The following GRIN2A variants were observed in gnomAD, a reference collection of about 807,000 sequenced individuals.
GRIN2A encodes glutamate ionotropic receptor NMDA type subunit 2A.
A neutral mutation model predicts 113.4 loss-of-function variants in GRIN2A; 22 were observed. The observed-to-expected ratio is 0.19, with a 90% CI of 0.14 to 0.28. The LOEUF (loss-of-function observed/expected upper bound fraction) is 0.28. Among genes scored for constraint, GRIN2A ranks in the 10% least tolerant of loss-of-function variants. The probability of loss-of-function intolerance (pLI) is 1.00; values close to 1 mark genes in which losing one functional copy is unlikely to be tolerated. For synonymous variants in GRIN2A, 827 were observed against 738.4 expected (o/e 1.12, Z -1.94); for missense variants, 1,502 against 1,887.0 (o/e 0.80, Z 3.78).
At chr16:10,147,529 A>C (rs2049468906) in intron 2 of GRIN2A, among the ~76,000 whole-genome samples, 1 of 150,390 alleles carries the variant, frequency 6.6e-6, no homozygotes, top group Non-Finnish European at 1.5e-5. Flanking sequence ...CCAGCTACTC[A>C]GGAGCCTGAG....
intron 2 of GRIN2A, among the ~76,000 whole-genome samples, chr16:10,131,443 G>C (rs566634091): frequency 1.5e-4 from 23 of 150,930 alleles, no homozygotes; most frequent in African/African-American, 5.6e-4. Flanking sequence ...AAGGCCTGCC[G>C]CTCCAGTCTC....
intron 4 of GRIN2A, among the ~76,000 whole-genome samples, chr16:9,880,720 G>A (rs748981114): frequency 3.3e-5 from 5 of 152,154 alleles, no homozygotes; most frequent in Non-Finnish European, 7.3e-5. Context: ...CTCTGAACCT[G>A]ACTTTTTCCC....
At chr16:10,145,170 G>A (rs1473797641) in intron 2 of GRIN2A, among the ~76,000 whole-genome samples, 1 of 152,076 alleles carries the variant, frequency 6.6e-6, no homozygotes, top group East Asian at 1.9e-4. Context: ...GTTGCCAAGG[G>A]TTGGGGGCAT....
intron 2 of GRIN2A, among the ~76,000 whole-genome samples, chr16:9,970,161 T>G (rs1464241912): frequency 6.6e-6 from 1 of 152,240 alleles, no homozygotes; most frequent in African/African-American, 2.4e-5. Flanking sequence ...GCACTTGACT[T>G]CAGCCTTCAG....
chr16:10,101,620 A>G (rs1288662044), intron 2 of GRIN2A, among the ~76,000 whole-genome samples: 2 of 152,194 alleles, frequency 1.3e-5, no homozygotes, highest in Non-Finnish European at 2.9e-5. Context: ...ACACCTCTCA[A>G]TCCATTATTT....
intron 2 of GRIN2A, among the ~76,000 whole-genome samples, chr16:9,993,483 G>A (rs2046166088): frequency 6.6e-6 from 1 of 152,070 alleles, no homozygotes; most frequent in Non-Finnish European, 1.5e-5. Flanking sequence ...TGTAGCCCAG[G>A]AACTCAAGGC....
At chr16:9,884,898 TA>T (rs1407384870) in intron 4 of GRIN2A, among the ~76,000 whole-genome samples, 1 of 151,456 alleles carries the variant, frequency 6.6e-6, no homozygotes, top group Non-Finnish European at 1.5e-5. Context: ...TACAGGCACC[TA>T]ATTTTTTTTT....
chr16:9,885,607 G>T (rs956798726), intron 4 of GRIN2A, among the ~76,000 whole-genome samples: 1 of 152,188 alleles, frequency 6.6e-6, no homozygotes, highest in African/African-American at 2.4e-5. Flanking sequence ...GCTGCTTTCA[G>T]TGACGCCACT....
chr16:10,173,577 G>A (rs2050085450), intron 2 of GRIN2A, among the ~76,000 whole-genome samples: 2 of 152,172 alleles, frequency 1.3e-5, no homozygotes, highest in Admixed American at 6.5e-5. Context: ...GCTCCAACAA[G>A]CTGGCATCGG....
At chr16:10,036,449 C>CTTTT (rs369821921) in intron 2 of GRIN2A, among the ~76,000 whole-genome samples, 14 of 45,986 alleles carry the variant, frequency 3.0e-4, no homozygotes, top group African/African-American at 4.2e-4. Context: ...TTTTTTTTTT[C>CTTTT]TTTTTTTTTT....
chr16:10,164,372 G>A (rs1211804455), intron 2 of GRIN2A, among the ~76,000 whole-genome samples: 2 of 152,186 alleles, frequency 1.3e-5, no homozygotes, highest in Non-Finnish European at 2.9e-5. Flanking sequence ...AGGGTCTGCG[G>A]GACGGACCCC....
intron 2 of GRIN2A, among the ~76,000 whole-genome samples, chr16:9,998,572 T>TA (rs1555463231): frequency 2.0e-5 from 3 of 152,214 alleles, no homozygotes; most frequent in South Asian, 2.1e-4. Context: ...TTTACTGCAA[T>TA]AAAAAACATA....
chr16:10,169,363 G>A (rs1317534911), intron 2 of GRIN2A, among the ~76,000 whole-genome samples: 2 of 152,128 alleles, frequency 1.3e-5, no homozygotes, highest in African/African-American at 4.8e-5. Flanking sequence ...CTTGCTAACA[G>A]AAGCAATTTT....
chr16:10,026,563 A>G, intron 2 of GRIN2A, among the ~76,000 whole-genome samples: 1 of 151,876 alleles, frequency 6.6e-6, no homozygotes. Context: ...TAAGCAGGGC[A>G]TTAGGTTCAT....
At chr16:9,871,123 C>G (rs1399506768) in intron 4 of GRIN2A, among the ~76,000 whole-genome samples, 3 of 152,112 alleles carry the variant, frequency 2.0e-5, no homozygotes, top group Non-Finnish European at 4.4e-5. Context: ...CACAATTTTC[C>G]TGCTCCCATC....
At chr16:10,056,432 AC>A (rs2141997574) in intron 2 of GRIN2A, among the ~76,000 whole-genome samples, 1 of 151,832 alleles carries the variant, frequency 6.6e-6, no homozygotes, top group Admixed American at 6.6e-5. Flanking sequence ...CCCATTCTAC[AC>A]CTACCCATTA....
chr16:9,774,687 C>T (rs1901492114), intron 11 of GRIN2A, among the ~76,000 whole-genome samples: 1 of 152,234 alleles, frequency 6.6e-6, no homozygotes, highest in Non-Finnish European at 1.5e-5. Flanking sequence ...TCACTCTAAG[C>T]TTCAGTTTTA....
At chr16:9,955,475 T>A (rs1441740213) in intron 2 of GRIN2A, among the ~76,000 whole-genome samples, 1 of 152,170 alleles carries the variant, frequency 6.6e-6, no homozygotes, top group Non-Finnish European at 1.5e-5. Context: ...TTGTATTAGG[T>A]TAGTGCAAAA....
intron 3 of GRIN2A, among the ~76,000 whole-genome samples, chr16:9,901,151 G>A (rs530491314): frequency 7.9e-5 from 12 of 152,184 alleles, no homozygotes; most frequent in South Asian, 4.1e-4. Context: ...TTTCTCCCTT[G>A]AAGAACCTAG....
Sources: allele counts gnomAD v4.1 joint callset (sites outside exome capture counted in the v4.1 genomes callset), GRCh38; gene constraint gnomAD v4.1.1; transcripts MANE v1.5; gene names NCBI Gene and HGNC (gene_info 2026-07-23, HGNC 2026-07-21).